LRCH2: variants seen among roughly 807,000 people sequenced by gnomAD.
The protein encoded by LRCH2 is leucine-rich repeat and calponin homology domain-containing protein 2.
LRCH2 carries 38 observed loss-of-function variants against 68.9 expected under a neutral mutation model. That is an observed-to-expected ratio of 0.55 (90% CI 0.43 to 0.72). LRCH2 has a LOEUF of 0.72. Ranked by LOEUF, LRCH2 falls within the 30% of genes least tolerant of loss-of-function variation. The pLI is 0.00. For synonymous variants in LRCH2, 191 were observed against 208.1 expected (o/e 0.92, Z 0.71); for missense variants, 528 against 572.9 (o/e 0.92, Z 0.80).
intron 1 of LRCH2, among the ~76,000 whole-genome samples, chrX:115,212,539 G>A (rs781856208): frequency 1.4e-4 from 15 of 111,093 alleles, no homozygotes; most frequent in Admixed American, 1.9e-4. Context: ...TTGCTTTGTC[G>A]CCCAGGCTGG....
intron 11 of LRCH2, among the ~76,000 whole-genome samples, chrX:115,162,056 A>T (rs1423091126): frequency 2.8e-5 from 3 of 106,552 alleles, no homozygotes; most frequent in Non-Finnish European, 5.8e-5. Flanking sequence ...AGTGGCTAGG[A>T]CCACAGGTGC....
chrX:115,233,814 G>A lies in LRCH2; in HGVS notation c.228C>T (p.Thr76=). ...CCAGGGCCCGGTCCAGGCTCCTCAC[G>A]GTGTGCTGAGGCTGCAGGCTCCCCG... ...WNPGSLQPQH[T]VRSLDRALEE... Residue 76 remains threonine, a synonymous_variant, in exon 1 of 21, where the codon ACC becomes ACT. Transcript: ENST00000317135. The A allele has an allele frequency of 8.5e-7, 1 of 1,170,228 alleles. No individual in the cohort carries two copies. Among genetic ancestry groups the A allele is most frequent in the Non-Finnish European group, 1.1e-6 (1 of 874,344 alleles).
In LRCH2 at chrX:115,198,572, AT is replaced by A. The variant is rs781885708; in HGVS notation, c.350-10203del. 5.2e-5 allele frequency: 8 copies of A among 152,493 alleles called. No homozygotes were observed. The South Asian group carries it at 1.6e-3, about 30-fold the overall frequency. The allele number at this position is 152,493 out of a possible 1,213,427, so 12.6% of individuals were successfully genotyped here. On this transcript the variant is annotated intron_variant, in intron 1 of 20. Transcript: ENST00000317135. ...GTGTGCGGGGCATGATCCAAGAGGT[AT>A]GTGGCTTCACCCCATACGAGCGGTG...
intron 1 of LRCH2, among the ~76,000 whole-genome samples, chrX:115,202,537 C>G (rs1416886976): frequency 8.9e-6 from 1 of 111,918 alleles, no homozygotes; most frequent in Non-Finnish European, 1.9e-5. Flanking sequence ...AGTGAAAAAA[C>G]AAGAACAGCC....
intron 1 of LRCH2, among the ~76,000 whole-genome samples, chrX:115,221,236 T>C (rs1170563911): frequency 6.6e-5 from 5 of 75,678 alleles, no homozygotes; most frequent in Non-Finnish European, 1.0e-4. Flanking sequence ...TATATATATA[T>C]ATATATATAA....
At chrX:115,131,613 A>G (rs2072246214) in intron 14 of LRCH2, among the ~76,000 whole-genome samples, 1 of 111,914 alleles carries the variant, frequency 8.9e-6, no homozygotes, top group Non-Finnish European at 1.9e-5. Context: ...TCCTTTGGGT[A>G]TATACCCAGT....
intron 14 of LRCH2, among the ~76,000 whole-genome samples, chrX:115,146,952 CACACACAT>C (rs1192947620): frequency 9.5e-6 from 1 of 105,518 alleles, no homozygotes; most frequent in African/African-American, 3.5e-5. Context: ...CACACACACA[CACACACAT>C]TCAATAAATA....
intron 1 of LRCH2, among the ~76,000 whole-genome samples, chrX:115,210,562 G>A (rs1170874473): frequency 8.9e-6 from 1 of 112,236 alleles, no homozygotes; most frequent in Non-Finnish European, 1.9e-5. Context: ...CTAGGGCAGT[G>A]CAGAAAGGAA....
chrX:115,121,587 T>C (rs1361907759), intron 20 of LRCH2, among the ~76,000 whole-genome samples: 1 of 112,104 alleles, frequency 8.9e-6, no homozygotes, highest in Non-Finnish European at 1.9e-5. Flanking sequence ...GAGGCGGCGG[T>C]TGCAGTGAGA....
intron 14 of LRCH2, among the ~76,000 whole-genome samples, chrX:115,139,550 G>A (rs782197989): frequency 6.0e-4 from 67 of 111,688 alleles, no homozygotes; most frequent in Non-Finnish European, 1.2e-3. Context: ...GGGAGGCCTG[G>A]GCAGGCAGAT....
chrX:115,174,682 G>A (rs1556549423), intron 5 of LRCH2, among the ~76,000 whole-genome samples: 1 of 108,211 alleles, frequency 9.2e-6, no homozygotes, highest in East Asian at 2.8e-4. Context: ...CTTGACTGTA[G>A]TGAATAATGT....
chrX:115,191,629 C>T lies in LRCH2; in HGVS notation c.350-3259G>A, dbSNP rs377196890. Reference sequence around the variant, plus strand: ...AGGCCGCTCGCCTGACACCTACAGCCGGGGCCACGACAGTTCCAGCCAGAG... The same window carrying T: ...AGGCCGCTCGCCTGACACCTACAGCTGGGGCCACGACAGTTCCAGCCAGAG... On this transcript the variant is annotated intron_variant, in intron 1 of 20. Coordinates refer to ENST00000317135, the MANE Select transcript of LRCH2 (RefSeq NM_020871.4). 48 of 1,071,204 alleles carry T rather than the reference C, an allele frequency of 4.5e-5. No individual in the cohort carries two copies. Among genetic ancestry groups the T allele is most frequent in the Middle Eastern group, 5.1e-4 (2 of 3,943 alleles). 88.3% of individuals were successfully genotyped at this position (1,071,204 alleles called of 1,213,427 possible).
chrX:115,233,953 C>A lies in LRCH2; in HGVS notation c.89G>T (p.Gly30Val). The A allele has an allele frequency of 8.6e-7, 1 of 1,164,509 alleles. No individual in the cohort carries two copies. Among genetic ancestry groups the A allele is most frequent in the Non-Finnish European group, 1.1e-6 (1 of 871,460 alleles). The change falls in exon 1 of 21, where the codon GGG becomes GTG. Residue 30 changes from glycine to valine, a missense_variant. Transcript: ENST00000317135. ...GSSGGCGTAG[G>V]GGGGAGGGGG... is the part of the protein sequence containing the mutation. ...TCCCCCTCCAGCCCCGCCACCTCCC[C>A]CTCCAGCCGTGCCACAGCCACCGCT...
intron 1 of LRCH2, among the ~76,000 whole-genome samples, chrX:115,216,572 A>C (rs915251028): frequency 7.1e-5 from 8 of 112,328 alleles, no homozygotes; most frequent in Middle Eastern, 9.2e-3. Flanking sequence ...GTACCACCCT[A>C]CACCAGTCAG....
intron 14 of LRCH2, among the ~76,000 whole-genome samples, chrX:115,143,357 G>A (rs922563606): frequency 8.1e-5 from 9 of 111,041 alleles, no homozygotes; most frequent in Non-Finnish European, 1.7e-4. Context: ...GAACAACTAT[G>A]TGCCGATAAA....
intron 12 of LRCH2, among the ~76,000 whole-genome samples, chrX:115,152,946 C>A (rs1392712079): frequency 9.1e-6 from 1 of 110,109 alleles, no homozygotes; most frequent in African/African-American, 3.3e-5. Context: ...GGTGGAGAAA[C>A]CTCTTCAAGG....
At position 115,203,445 on chromosome X, in the gene LRCH2, A is replaced by G. The variant is rs148788317; in HGVS notation, c.350-15075T>C. ...AATGTCTTAACTAATTCCAGCATTA[A>G]GTCAAAAGTCCAACTCCAAAGTCTC... On this transcript the variant is annotated intron_variant, in intron 1 of 20. Coordinates refer to ENST00000317135, the MANE Select transcript of LRCH2 (RefSeq NM_020871.4). Among the ~76,000 whole-genome samples the G allele has an allele frequency of 5.8e-3, 651 of 112,333 alleles. 7 individuals carry two copies. The highest frequency in any genetic ancestry group is 0.02 in the African/African-American group (620 of 30,919).
chrX:115,156,270 A>C (rs1411354594), intron 12 of LRCH2, among the ~76,000 whole-genome samples: 13 of 111,934 alleles, frequency 1.2e-4, no homozygotes, highest in African/African-American at 4.2e-4. Context: ...ATGAAAACAT[A>C]AACAGTATCA....
At chrX:115,173,602 A>G (rs1279562732) in intron 5 of LRCH2, among the ~76,000 whole-genome samples, 3 of 111,719 alleles carry the variant, frequency 2.7e-5, no homozygotes, top group Non-Finnish European at 5.6e-5. Flanking sequence ...GTTTGTGTCT[A>G]TTTCCTATAA....
Sources: gnomAD v4.1 joint callset for allele counts (sites outside exome capture counted in the v4.1 genomes callset) on GRCh38, gnomAD v4.1.1 for gene constraint, MANE v1.5 for transcripts, NCBI Gene and HGNC (gene_info 2026-07-23, HGNC 2026-07-21) for gene names.